Variants in PCDH9 observed in about 807,000 individuals in gnomAD.
The protein encoded by PCDH9 is protocadherin-9.
PCDH9 carries 24 observed loss-of-function variants against 70.6 expected under a neutral mutation model. The ratio of observed to expected loss-of-function variants is 0.34; its 90% CI spans 0.25 to 0.48. The LOEUF (loss-of-function observed/expected upper bound fraction) is 0.48, where lower values mean the gene tolerates loss of function less well. PCDH9 is among the 20% of genes least tolerant of loss of function. The pLI is 0.99. For synonymous variants in PCDH9, 562 were observed against 558.5 expected (o/e 1.01, Z -0.09); for missense variants, 1,281 against 1,503.6 (o/e 0.85, Z 2.45).
chr13:67,065,779 A>G (rs868233513), intron 2 of PCDH9, among the ~76,000 whole-genome samples: 1 of 152,214 alleles, frequency 6.6e-6, no homozygotes, highest in East Asian at 1.9e-4. Context: ...GAAATGAAAA[A>G]TAAGAATTTT....
intron 4 of PCDH9, among the ~76,000 whole-genome samples, chr13:66,378,797 T>C (rs1956792831): frequency 6.6e-6 from 1 of 152,200 alleles, no homozygotes; most frequent in African/African-American, 2.4e-5. Flanking sequence ...CTAAGTTTTA[T>C]TGTCTCACTC....
At chr13:66,427,678 T>A (rs1334924247) in intron 4 of PCDH9, among the ~76,000 whole-genome samples, 2 of 151,756 alleles carry the variant, frequency 1.3e-5, no homozygotes, top group African/African-American at 2.4e-5. Context: ...CCACCTTTTT[T>A]TTCTCAAGTG....
At chr13:67,201,783 A>C (rs2138054283) in intron 2 of PCDH9, 1 of 152,152 alleles carries the variant, frequency 6.6e-6, no homozygotes, top group African/African-American at 2.4e-5. Context: ...CTTTAATAAT[A>C]ATGCTTTGTG....
At chr13:66,317,017 C>T (rs1349583790) in intron 4 of PCDH9, among the ~76,000 whole-genome samples, 1 of 152,138 alleles carries the variant, frequency 6.6e-6, no homozygotes, top group Non-Finnish European at 1.5e-5. Flanking sequence ...GCCACTGTGC[C>T]CGGCCCGCTA....
chr13:67,202,774 A>T (rs2089247256), intron 2 of PCDH9: 1 of 152,124 alleles, frequency 6.6e-6, no homozygotes, highest in South Asian at 2.1e-4. Context: ...AGCTATTCAC[A>T]TTCAATTTAT....
intron 3 of PCDH9, among the ~76,000 whole-genome samples, chr13:66,816,254 A>C (rs149491434): frequency 2.0e-5 from 3 of 152,330 alleles, no homozygotes; most frequent in African/African-American, 7.2e-5. Flanking sequence ...ATGGAACATA[A>C]ATAACTGCAC....
intron 4 of PCDH9, among the ~76,000 whole-genome samples, chr13:66,565,035 T>A (rs1398489351): frequency 6.6e-6 from 1 of 152,184 alleles, no homozygotes; most frequent in Non-Finnish European, 1.5e-5. Flanking sequence ...ATAAAATGTG[T>A]ACATATTCTT....
chr13:66,805,993 C>T (rs2080403802), intron 3 of PCDH9, among the ~76,000 whole-genome samples: 1 of 152,090 alleles, frequency 6.6e-6, no homozygotes, highest in Non-Finnish European at 1.5e-5. Context: ...CAATGTGACT[C>T]TAGCTGCAAA....
chr13:66,341,269 T>G (rs951946865), intron 4 of PCDH9, among the ~76,000 whole-genome samples: 4 of 151,956 alleles, frequency 2.6e-5, no homozygotes, highest in African/African-American at 9.7e-5. Context: ...ATGTTTTAGT[T>G]TTTTTGTAGA....
At chr13:66,627,177 G>A (rs898936130) in intron 4 of PCDH9, among the ~76,000 whole-genome samples, 5 of 151,822 alleles carry the variant, frequency 3.3e-5, no homozygotes, top group African/African-American at 1.2e-4. Context: ...AAGTACAATC[G>A]AAATTACTTA....
At chr13:66,408,198 A>G (rs1406866151) in intron 4 of PCDH9, among the ~76,000 whole-genome samples, 4 of 152,004 alleles carry the variant, frequency 2.6e-5, no homozygotes, top group African/African-American at 9.7e-5. Context: ...AGCTGGGACT[A>G]CAGGCGCCCG....
intron 4 of PCDH9, among the ~76,000 whole-genome samples, chr13:66,493,453 A>G (rs1335207107): frequency 6.6e-6 from 1 of 152,204 alleles, no homozygotes; most frequent in African/African-American, 2.4e-5. Flanking sequence ...TGAGTTAATA[A>G]TAATCCAAAT....
At chr13:66,676,347 C>T (rs1593876742) in intron 3 of PCDH9, among the ~76,000 whole-genome samples, 1 of 152,018 alleles carries the variant, frequency 6.6e-6, no homozygotes, top group Admixed American at 6.6e-5. Flanking sequence ...AAGTAAATAT[C>T]ACAGGAATTT....
chr13:67,138,588 C>A (rs1031202862), intron 2 of PCDH9, among the ~76,000 whole-genome samples: 1 of 152,156 alleles, frequency 6.6e-6, no homozygotes, highest in Non-Finnish European at 1.5e-5. Flanking sequence ...AGGGCGTACC[C>A]CGAGTCACCA....
chr13:66,805,338 T>C (rs1317899902), intron 3 of PCDH9, among the ~76,000 whole-genome samples: 1 of 152,174 alleles, frequency 6.6e-6, no homozygotes, highest in Non-Finnish European at 1.5e-5. Flanking sequence ...GGATACTTAG[T>C]AGCACAAGTC....
chr13:67,066,480 C>T (rs2085650731), intron 2 of PCDH9, among the ~76,000 whole-genome samples: 1 of 152,104 alleles, frequency 6.6e-6, no homozygotes, highest in Admixed American at 6.6e-5. Context: ...GTGATTTGCC[C>T]GCCTCAGCCT....
chr13:66,843,362 AC>A (rs2139433912), intron 3 of PCDH9, among the ~76,000 whole-genome samples: 1 of 152,242 alleles, frequency 6.6e-6, no homozygotes, highest in Non-Finnish European at 1.5e-5. Context: ...ACATACACAC[AC>A]ACACACACAC....
chr13:67,094,167 A>T (rs758722313), intron 2 of PCDH9, among the ~76,000 whole-genome samples: 19 of 152,192 alleles, frequency 1.2e-4, no homozygotes, highest in Non-Finnish European at 2.4e-4. Flanking sequence ...AAAATAGAAC[A>T]TTCTTAAGTT....
intron 4 of PCDH9, among the ~76,000 whole-genome samples, chr13:66,351,399 C>T (rs1216342626): frequency 2.0e-5 from 3 of 152,192 alleles, no homozygotes; most frequent in East Asian, 1.9e-4. Context: ...TACTTCTGTC[C>T]TTTCTAAGAA....
Sources: allele counts gnomAD v4.1 joint callset (sites outside exome capture counted in the v4.1 genomes callset), GRCh38; gene constraint gnomAD v4.1.1; transcripts MANE v1.5; gene names NCBI Gene and HGNC (gene_info 2026-07-23, HGNC 2026-07-21).